Variants in NOTCH3 observed in about 807,000 individuals in gnomAD.
NOTCH3 encodes notch receptor 3.
Under a neutral mutation model 213.3 loss-of-function variants are expected in NOTCH3, and 86 were observed. The ratio of observed to expected loss-of-function variants is 0.40; its 90% CI spans 0.34 to 0.48. NOTCH3 has a LOEUF of 0.48. NOTCH3 is among the 20% of genes least tolerant of loss of function. The pLI, the probability that NOTCH3 is intolerant of heterozygous loss-of-function variation, is 0.57. For missense variants in NOTCH3, 2,783 were observed against 3,272.6 expected, an observed-to-expected ratio of 0.85 and a Z score of 3.65; for synonymous variants, 1,354 against 1,355.9, an observed-to-expected ratio of 1.00 and a Z score of 0.03.
In NOTCH3 at chr19:15,165,765, C is replaced by A; in HGVS notation, c.5667+22G>T. ...CTAATGCCTGCCCCAGCTCTGAGGT[C>A]CAAAGTGTGTGCCTATCTCACCTGG... is the stretch of plus-strand genomic sequence containing the variant. On this transcript the variant is annotated intron_variant, in intron 30 of 32. Coordinates refer to ENST00000263388, the MANE Select transcript of NOTCH3 (RefSeq NM_000435.3). The surrounding 1 kb of genome is among the most constrained non-coding windows in gnomAD (Gnocchi z 4.7). 1 of 1,608,140 alleles carries A rather than the reference C, an allele frequency of 6.2e-7. No individual in the cohort carries two copies. Among genetic ancestry groups the A allele is most frequent in the Non-Finnish European group, 8.5e-7 (1 of 1,179,784 alleles).
chr19:15,186,836 C>T (rs1386244140), intron 12 of NOTCH3, 42 bp downstream of exon 12: 4 of 1,507,774 alleles, frequency 2.7e-6, no homozygotes, highest in Non-Finnish European at 3.7e-6. Context: ...GTGACTTCAC[C>T]CTCGATCTAA....
chr19:15,189,199 T>C, intron 7 of NOTCH3, 25 bp from the exon 8 acceptor site: 1 of 1,613,218 alleles, frequency 6.2e-7, no homozygotes, highest in Admixed American at 1.7e-5. Context: ...GCGATCGGTG[T>C]GGGCGTGGCT....
Position 15,185,107 on chromosome 19 carries a change from C to A in NOTCH3, c.2297-88G>T. 7.8e-7 allele frequency: 1 copy of A among 1,287,752 alleles called. No homozygotes were observed. Among genetic ancestry groups the A allele is most frequent in the Non-Finnish European group, 1.1e-6 (1 of 922,902 alleles). The allele number at this position is 1,287,752 out of a possible 1,614,324, so 79.8% of individuals were successfully genotyped here. A position where few individuals can be genotyped will look rare whatever the true frequency, so the allele number is the denominator to read the frequency against. ...CCCCACCTCCCCCAACCCCAGGGTC[C>A]CCACCTTGATACCCACCTCCCAAGC... is the stretch of plus-strand genomic sequence containing the variant. On this transcript the variant is annotated intron_variant, in intron 14 of 32. Coordinates refer to ENST00000263388, the MANE Select transcript of NOTCH3 (RefSeq NM_000435.3). This position sits in a 1 kb window ranked among gnomAD's most constrained non-coding sequence, Gnocchi z 4.2.
intron 2 of NOTCH3, among the ~76,000 whole-genome samples, chr19:15,195,463 C>A (rs1248785844): frequency 6.6e-6 from 1 of 151,702 alleles, no homozygotes; most frequent in Non-Finnish European, 1.5e-5. Context: ...CCTCACCCCC[C>A]TCTATCCCCC....
At chr19:15,161,800 A>G in intron 32 of NOTCH3, 86 bp from the exon 33 acceptor site, 2 of 1,204,324 alleles carry the variant, frequency 1.7e-6, no homozygotes, top group Non-Finnish European at 2.4e-6. Context: ...CCCGAGAGCT[A>G]TGAGTTTGTA....
chr19:15,180,343 G>A (rs2046829256), intron 19 of NOTCH3, 87 bp from the exon 20 acceptor site: 1 of 1,433,962 alleles, frequency 7.0e-7, no homozygotes, highest in East Asian at 2.4e-5. Flanking sequence ...AACATCCTTG[G>A]TGGAATGAGT....
chr19:15,184,149 T>A, intron 16 of NOTCH3, 146 bp downstream of exon 16: 22 of 667,130 alleles, frequency 3.3e-5, no homozygotes, highest in East Asian at 8.8e-5. Context: ...TCACTCAACC[T>A]CCTCGGGCCT....
rs997812317 is a variant in NOTCH3, at chr19:15,182,651, A to AT, written c.2567-851dup. On this transcript the variant is annotated intron_variant, in intron 16 of 32. Coordinates refer to ENST00000263388, the MANE Select transcript of NOTCH3 (RefSeq NM_000435.3). ...TTTATTTACTTTTATTTTTATTTTT[A>AT]TTTTTTTTGAGATGGGGTTTCGCTC... is the stretch of plus-strand genomic sequence containing the variant. Among the ~76,000 whole-genome samples the AT allele has an allele frequency of 6.0e-5, 9 of 151,010 alleles. 1 individual carries two copies. In the South Asian group the frequency reaches 6.3e-4, roughly 11 times the overall value.
chr19:15,177,391 C>A (rs573282286), intron 24 of NOTCH3, 134 bp downstream of exon 24: 1 of 793,640 alleles, frequency 1.3e-6, no homozygotes, highest in Non-Finnish European at 2.2e-6. Context: ...TGGGACACAC[C>A]GATGGGCAGA....
In NOTCH3 at chr19:15,179,788, CAGA is replaced by C. The variant is rs2046824107; in HGVS notation, c.3327+281_3327+283del. The C allele has an allele frequency of 1.4e-4, 80 of 588,864 alleles. 2 individuals carry two copies. In the South Asian group the frequency reaches 1.5e-3, roughly 11 times the overall value. The allele number at this position is 588,864 out of a possible 1,614,324, so 36.5% of individuals were successfully genotyped here. On this transcript the variant is annotated intron_variant, in intron 20 of 32. Coordinates refer to ENST00000263388, the MANE Select transcript of NOTCH3 (RefSeq NM_000435.3). ...TCCCAGCTATAATGAGAGGCTGAAG[CAGA>C]AGAATCACCTGAACCCAGGAGGCAA...
Position 15,159,802 on chromosome 19 carries a change from A to G in NOTCH3, c.*860T>C, listed in dbSNP as rs550164940. 36 of 233,578 alleles carry G rather than the reference A, an allele frequency of 1.5e-4. No homozygotes were observed. The highest frequency in any genetic ancestry group is 7.0e-4 in the African/African-American group (32 of 45,474). 14.5% of individuals were successfully genotyped at this position (233,578 alleles called of 1,614,324 possible). ...TGGGCCAGAGGATTACCAGGAAGAG[A>G]AAGTACCACTCAGGCAGCTCCTCTT... On this transcript the variant is annotated 3_prime_UTR_variant, in exon 33 of 33. Transcript: ENST00000263388.
At chr19:15,183,256 T>C (rs1599384822) in intron 16 of NOTCH3, among the ~76,000 whole-genome samples, 2 of 152,086 alleles carry the variant, frequency 1.3e-5, no homozygotes, top group South Asian at 4.1e-4. Context: ...TCTGAATACA[T>C]AATAAATAAA....
In NOTCH3 at chr19:15,167,431, G is replaced by C. The variant is rs368415764; in HGVS notation, c.5200-20C>G. The C allele has an allele frequency of 6.2e-7, 1 of 1,600,222 alleles. No individual in the cohort carries two copies. The highest frequency in any genetic ancestry group is 8.5e-7 in the Non-Finnish European group (1 of 1,179,810). ...CTCTACCTGGAGGGGCAGGCACCCT[G>C]GATCTCAGATCTCACCCTTTGGTGC... On this transcript the variant is annotated intron_variant, in intron 28 of 32. Coordinates refer to ENST00000263388, the MANE Select transcript of NOTCH3 (RefSeq NM_000435.3).
intron 24 of NOTCH3, 134 bp from the exon 25 acceptor site, chr19:15,174,534 T>G: frequency 1.6e-6 from 1 of 619,318 alleles, no homozygotes. Context: ...TACGGACCCA[T>G]GCCAGGCTTT....
In NOTCH3 at chr19:15,161,325, G is replaced by A. The variant is rs777633967; in HGVS notation, c.6303C>T (p.Pro2101=). 1.8e-5 allele frequency: 27 copies of A among 1,523,198 alleles called. No individual in the cohort carries two copies. The East Asian group carries it at 1.9e-4, about 11-fold the overall frequency. The allele number at this position is 1,523,198 out of a possible 1,614,324, so 94.4% of individuals were successfully genotyped here. ...GCCGCGGGGAGTCCAGCGAGTCCACGGGCGACAGCGTGACCGAGCTGTCAG... is the reference window on the plus strand; with the variant it reads ...GCCGCGGGGAGTCCAGCGAGTCCACAGGCGACAGCGTGACCGAGCTGTCAG... ...PLADSSVTLS[P]VDSLDSPRPF... Residue 2101 remains proline, a synonymous_variant, in exon 33 of 33, where the codon CCC becomes CCT. Transcript: ENST00000263388.
intron 2 of NOTCH3, among the ~76,000 whole-genome samples, chr19:15,195,419 G>A (rs886176956): frequency 5.9e-5 from 9 of 152,026 alleles, no homozygotes; most frequent in Admixed American, 6.6e-5. Context: ...AGAGAAGCCA[G>A]AGAGTCCAAG....
chr19:15,163,048 C>T (rs560076070), intron 31 of NOTCH3, among the ~76,000 whole-genome samples: 1 of 152,264 alleles, frequency 6.6e-6, no homozygotes, highest in Admixed American at 6.5e-5. Context: ...GGACTACAGG[C>T]ATGTACCACC....
At chr19:15,166,211 C>T (rs1300413485) in intron 29 of NOTCH3, 120 bp from the exon 30 acceptor site, 1 of 830,608 alleles carries the variant, frequency 1.2e-6, no homozygotes, top group Non-Finnish European at 2.0e-6. Context: ...TTAGCAGATC[C>T]TCCTGTCTGC....
At chr19:15,173,735 AAAAAAAG>A (rs2046760458) in intron 25 of NOTCH3, among the ~76,000 whole-genome samples, 6 of 5,410 alleles carry the variant, frequency 1.1e-3, no homozygotes, top group African/African-American at 1.9e-3. Flanking sequence ...AAAAAAAAAA[AAAAAAAG>A]AAAAGAAGAA....
Sources: allele counts gnomAD v4.1 joint callset (sites outside exome capture counted in the v4.1 genomes callset), GRCh38; gene constraint gnomAD v4.1.1; non-coding constraint Gnocchi (gnomAD v3.1); transcripts MANE v1.5; gene names NCBI Gene and HGNC (gene_info 2026-07-23, HGNC 2026-07-21).